Variants in AKR1C8 observed in about 807,000 individuals in gnomAD.
AKR1C8 encodes the protein aldo-keto reductase family 1 member C-like protein 1.
the AKR1C8 span, among the ~76,000 whole-genome samples, chr10:5,172,144 G>C: frequency 1.3e-5 from 2 of 152,044 alleles, no homozygotes; most frequent in African/African-American, 4.8e-5. Flanking sequence ...CAGGCAAGTT[G>C]TACAGCTAAC....
the AKR1C8 span, among the ~76,000 whole-genome samples, chr10:5,159,398 A>G: frequency 6.6e-6 from 1 of 152,054 alleles, no homozygotes; most frequent in Non-Finnish European, 1.5e-5. Flanking sequence ...TAAAACCGAA[A>G]CTTTCACTGG....
chr10:5,148,147 T>C, the AKR1C8 span, among the ~76,000 whole-genome samples: 1 of 152,042 alleles, frequency 6.6e-6, no homozygotes, highest in Non-Finnish European at 1.5e-5. Context: ...TGCCTGAAGA[T>C]TGTATACAAT....
chr10:5,184,261 T>C, the AKR1C8 span, among the ~76,000 whole-genome samples: 2 of 152,224 alleles, frequency 1.3e-5, no homozygotes, highest in Non-Finnish European at 2.9e-5. Context: ...GCCCCCTCTC[T>C]ACTCGAGAAA....
the AKR1C8 span, among the ~76,000 whole-genome samples, chr10:5,133,921 A>G: frequency 1.3e-5 from 2 of 152,196 alleles, no homozygotes; most frequent in African/African-American, 4.8e-5. Context: ...CAACCTGTAA[A>G]AGATTAGTAA....
the AKR1C8 span, among the ~76,000 whole-genome samples, chr10:5,159,638 A>G: frequency 7.9e-5 from 12 of 152,146 alleles, no homozygotes; most frequent in Admixed American, 2.0e-4. Flanking sequence ...CGAGCTCCAG[A>G]CCAAAGCTGC....
the AKR1C8 span, among the ~76,000 whole-genome samples, chr10:5,145,466 C>G: frequency 0.033 from 5,057 of 152,122 alleles, 152 homozygotes; most frequent in Non-Finnish European, 0.052. Flanking sequence ...GGGCTAATAT[C>G]CAGAATCTAC....
At chr10:5,151,922 C>G in the AKR1C8 span, among the ~76,000 whole-genome samples, 2 of 152,056 alleles carry the variant, frequency 1.3e-5, no homozygotes, top group Non-Finnish European at 2.9e-5. Flanking sequence ...GGCCAATGAC[C>G]ACTCTGGCTT....
chr10:5,171,751 C>T, the AKR1C8 span, among the ~76,000 whole-genome samples: 1 of 151,876 alleles, frequency 6.6e-6, no homozygotes, highest in Non-Finnish European at 1.5e-5. Flanking sequence ...TGGATGATGC[C>T]CCTTTAACCT....
chr10:5,121,135 T>A, the AKR1C8 span, among the ~76,000 whole-genome samples: 2 of 152,086 alleles, frequency 1.3e-5, no homozygotes, highest in Non-Finnish European at 2.9e-5. Context: ...ACATAAAAAA[T>A]TTCATTTTTT....
the AKR1C8 span, among the ~76,000 whole-genome samples, chr10:5,133,348 C>T: frequency 5.9e-5 from 9 of 152,098 alleles, no homozygotes; most frequent in South Asian, 2.1e-4. Flanking sequence ...CTGCCTCTGC[C>T]GCCCAAAATG....
the AKR1C8 span, among the ~76,000 whole-genome samples, chr10:5,142,890 G>A: frequency 6.6e-6 from 1 of 151,980 alleles, no homozygotes; most frequent in African/African-American, 2.4e-5. Context: ...TTCAATGCAG[G>A]GTTGCTACAA....
At chr10:5,176,279 G>A in the AKR1C8 span, among the ~76,000 whole-genome samples, 2 of 115,792 alleles carry the variant, frequency 1.7e-5, no homozygotes, top group Admixed American at 8.5e-5. Flanking sequence ...TCAAAGATCC[G>A]ATAGTTGTAG....
the AKR1C8 span, among the ~76,000 whole-genome samples, chr10:5,137,719 C>T: frequency 6.6e-6 from 1 of 152,046 alleles, no homozygotes; most frequent in African/African-American, 2.4e-5. Flanking sequence ...TTCTATTTTC[C>T]ATGAGTGTCA....
the AKR1C8 span, chr10:5,157,489 C>T: frequency 6.0e-5 from 17 of 285,514 alleles, no homozygotes; most frequent in African/African-American, 1.1e-4. Context: ...AGTGCCCTCT[C>T]GTCGATCCTT....
At chr10:5,180,705 C>T in the AKR1C8 span, among the ~76,000 whole-genome samples, 2,685 of 152,334 alleles carry the variant, frequency 0.018, 76 homozygotes, top group African/African-American at 0.061. Context: ...TGCCCCTCCC[C>T]CAGCCTGGCT....
the AKR1C8 span, among the ~76,000 whole-genome samples, chr10:5,148,002 G>A: frequency 2.0e-5 from 3 of 152,244 alleles, no homozygotes; most frequent in East Asian, 5.8e-4. Flanking sequence ...CTACTCTTGT[G>A]CCACAGAGAT....
the AKR1C8 span, among the ~76,000 whole-genome samples, chr10:5,125,892 C>A: frequency 1.3e-5 from 2 of 152,112 alleles, no homozygotes; most frequent in African/African-American, 2.4e-5. Context: ...GTGGCTAGAC[C>A]CAGAAGAGCA....
At chr10:5,116,382 A>C in the AKR1C8 span, among the ~76,000 whole-genome samples, 5 of 152,122 alleles carry the variant, frequency 3.3e-5, no homozygotes, top group Admixed American at 6.5e-5. Flanking sequence ...AGTCACGGGA[A>C]TAGGAAGCAA....
chr10:5,132,830 C>T, the AKR1C8 span: 3 of 693,756 alleles, frequency 4.3e-6, no homozygotes, highest in Non-Finnish European at 7.0e-6. Context: ...AGTTCAGGCA[C>T]AAACAATGAC....
Sources: gnomAD v4.1 joint callset for allele counts (sites outside exome capture counted in the v4.1 genomes callset) on GRCh38, gnomAD v4.1.1 for gene constraint, MANE v1.5 for transcripts, NCBI Gene and HGNC (gene_info 2026-07-23, HGNC 2026-07-21) for gene names.